Variants in USH2A observed in about 807,000 individuals in gnomAD.
The protein encoded by USH2A is usherin, also known as Usher syndrome 2A (autosomal recessive, mild).
USH2A carries 443 observed loss-of-function variants against 538.9 expected under a neutral mutation model. That is an observed-to-expected ratio of 0.82 (90% CI 0.76 to 0.89). USH2A has a LOEUF of 0.89. Ranked by LOEUF, USH2A falls within the 40% of genes least tolerant of loss-of-function variation. The probability of loss-of-function intolerance (pLI) is 0.00; values close to 1 mark genes in which losing one functional copy is unlikely to be tolerated. For synonymous variants in USH2A, 2,413 were observed against 2,273.5 expected (o/e 1.06, Z -1.75); for missense variants, 6,633 against 6,324.8 (o/e 1.05, Z -1.65).
At chr1:216,095,808 T>C (rs1255492529) in intron 22 of USH2A, among the ~76,000 whole-genome samples, 1 of 152,094 alleles carries the variant, frequency 6.6e-6, no homozygotes, top group Non-Finnish European at 1.5e-5. Context: ...CTCTCTAAGG[T>C]CAATGGATCT....
Position 215,759,829 on chromosome 1 carries a change from G to A in USH2A, c.11062C>T (p.Pro3688Ser), listed in dbSNP as rs147214756. The A allele has an allele frequency of 1.2e-4, 200 of 1,613,794 alleles. 1 individual carries two copies. Among genetic ancestry groups the A allele is most frequent in the Non-Finnish European group, 1.6e-4 (183 of 1,179,886 alleles). ...GTAGAATTGATGATAATGTGTCGAG[G>A]TGTCACCCAAACTCCTGGCAAGAAT... is the stretch of plus-strand genomic sequence containing the variant. ...QAAPEGVWVT[P>S]RHIIINSTTV... The change falls in exon 57 of 72, where the codon CCT becomes TCT. Residue 3688 changes from proline (P) to serine (S), a missense_variant. Transcript: ENST00000307340.
At chr1:216,302,810 CA>C (rs1409805589) in intron 9 of USH2A, among the ~76,000 whole-genome samples, 9 of 152,008 alleles carry the variant, frequency 5.9e-5, no homozygotes, top group African/African-American at 2.2e-4. Context: ...TAATACGTGA[CA>C]TAAAACCTAT....
chr1:216,002,008 T>C (rs1054252421), intron 32 of USH2A, among the ~76,000 whole-genome samples: 5 of 152,274 alleles, frequency 3.3e-5, no homozygotes, highest in African/African-American at 7.2e-5. Flanking sequence ...GTAGTCAGAA[T>C]ATATACTTCA....
chr1:215,714,978 T>G (rs140977885), intron 61 of USH2A, among the ~76,000 whole-genome samples: 1 of 152,198 alleles, frequency 6.6e-6, no homozygotes, highest in African/African-American at 2.4e-5. Context: ...TGACAGAAAT[T>G]ATACTTTTAA....
chr1:215,974,220 A>G (rs1185803426), intron 35 of USH2A, among the ~76,000 whole-genome samples: 1 of 152,202 alleles, frequency 6.6e-6, no homozygotes, highest in Admixed American at 6.6e-5. Flanking sequence ...TTTTAACTTC[A>G]TTGACCTCAG....
intron 20 of USH2A, among the ~76,000 whole-genome samples, chr1:216,185,240 T>C (rs1207688263): frequency 6.6e-6 from 1 of 151,926 alleles, no homozygotes. Context: ...AAATCAGTTC[T>C]CAGACTTTGT....
intron 21 of USH2A, among the ~76,000 whole-genome samples, chr1:216,138,955 T>C (rs897898998): frequency 2.0e-5 from 3 of 152,082 alleles, no homozygotes; most frequent in Admixed American, 2.0e-4. Flanking sequence ...TATATATGTG[T>C]GTGTATATAT....
At chr1:215,926,850 C>T (rs1422670915) in intron 38 of USH2A, among the ~76,000 whole-genome samples, 1 of 151,986 alleles carries the variant, frequency 6.6e-6, no homozygotes, top group Non-Finnish European at 1.5e-5. Flanking sequence ...TCAGGTGATC[C>T]ACCCTCCTTG....
intron 21 of USH2A, among the ~76,000 whole-genome samples, chr1:216,127,286 C>T (rs1009807599): frequency 6.6e-6 from 1 of 152,128 alleles, no homozygotes; most frequent in Non-Finnish European, 1.5e-5. Context: ...TAAATGTACT[C>T]ATTGATGACT....
At chr1:215,682,115 A>G (rs1458307383) in intron 61 of USH2A, among the ~76,000 whole-genome samples, 3 of 152,208 alleles carry the variant, frequency 2.0e-5, no homozygotes, top group Non-Finnish European at 4.4e-5. Context: ...TTTCTGATAA[A>G]TGATTCCTTT....
At chr1:215,782,433 T>G (rs2102763085) in intron 53 of USH2A, among the ~76,000 whole-genome samples, 1 of 152,288 alleles carries the variant, frequency 6.6e-6, no homozygotes, top group South Asian at 2.1e-4. Context: ...GAAACAAATT[T>G]ACTTTCAATA....
chr1:215,966,784 A>G (rs978623189), intron 36 of USH2A, among the ~76,000 whole-genome samples: 1 of 152,194 alleles, frequency 6.6e-6, no homozygotes, highest in African/African-American at 2.4e-5. Flanking sequence ...ATTATTGTAC[A>G]TAGAATGATT....
At chr1:216,141,002 G>A (rs2033591371) in intron 21 of USH2A, among the ~76,000 whole-genome samples, 1 of 152,180 alleles carries the variant, frequency 6.6e-6, no homozygotes, top group South Asian at 2.1e-4. Context: ...GCTCCCTTGG[G>A]AGATTTACTT....
chr1:216,045,452 C>T (rs908120110), intron 32 of USH2A, among the ~76,000 whole-genome samples: 1 of 152,120 alleles, frequency 6.6e-6, no homozygotes, highest in Non-Finnish European at 1.5e-5. Flanking sequence ...AAAATTCAAA[C>T]CACACTGAGT....
chr1:215,854,462 A>T (rs1341006539), intron 44 of USH2A, among the ~76,000 whole-genome samples: 1 of 152,136 alleles, frequency 6.6e-6, no homozygotes, highest in Non-Finnish European at 1.5e-5. Flanking sequence ...CTTTTATTCA[A>T]CATACTGAAG....
At chr1:215,663,081 T>C (rs919897600) in intron 64 of USH2A, among the ~76,000 whole-genome samples, 1 of 152,152 alleles carries the variant, frequency 6.6e-6, no homozygotes, top group African/African-American at 2.4e-5. Context: ...ATGAGGAGGG[T>C]TGAACTTCCT....
intron 61 of USH2A, among the ~76,000 whole-genome samples, chr1:215,717,323 C>A (rs1659514375): frequency 6.6e-6 from 1 of 152,120 alleles, no homozygotes; most frequent in South Asian, 2.1e-4. Flanking sequence ...ACGGAATCAT[C>A]CAGGAACTTT....
At chr1:215,766,920 T>C in intron 55 of USH2A, 132 bp from the exon 56 acceptor site, 1 of 880,694 alleles carries the variant, frequency 1.1e-6, no homozygotes, top group Non-Finnish European at 1.8e-6. Flanking sequence ...AAACACTCTT[T>C]AAAGAAGGTC....
chr1:216,385,023 T>C (rs1339876990), intron 3 of USH2A, among the ~76,000 whole-genome samples: 1 of 152,196 alleles, frequency 6.6e-6, no homozygotes, highest in African/African-American at 2.4e-5. Context: ...AAATTTTTCA[T>C]TGTATCTGGC....
Sources: gnomAD v4.1 joint callset for allele counts (sites outside exome capture counted in the v4.1 genomes callset) on GRCh38, gnomAD v4.1.1 for gene constraint, MANE v1.5 for transcripts, NCBI Gene and HGNC (gene_info 2026-07-23, HGNC 2026-07-21) for gene names.